MTAP: variants seen among roughly 807,000 people sequenced by gnomAD.
MTAP encodes methylthioadenosine phosphorylase, also known as S-methyl-5'-thioadenosine phosphorylase.
A neutral mutation model predicts 33.6 loss-of-function variants in MTAP; 33 were observed. That is an observed-to-expected ratio of 0.98 (90% CI 0.74 to 1.31). The LOEUF (loss-of-function observed/expected upper bound fraction) is 1.31, where lower values mean the gene tolerates loss of function less well. Among genes scored for constraint, MTAP ranks in the 40% most tolerant of loss-of-function variants. The probability of loss-of-function intolerance (pLI) is 0.00; values close to 1 mark genes in which losing one functional copy is unlikely to be tolerated. For synonymous variants in MTAP, 148 were observed against 125.7 expected (o/e 1.18, Z -1.19); for missense variants, 367 against 360.0 (o/e 1.02, Z -0.16).
At chr9:21,879,940 C>A in intron 1 of MTAP, among the ~76,000 whole-genome samples, 1 of 152,106 alleles carries the variant, frequency 6.6e-6, no homozygotes, top group Non-Finnish European at 1.5e-5. Flanking sequence ...AGGCGGCCTG[C>A]CCTTTCTCTC....
rs1442234626 is a variant in MTAP, at chr9:21,854,630, G to C, written c.451-1G>C. Reference sequence around the variant, plus strand: ...TGAAGTTTCTGGTTTTTCTTTTCTAGGTTCTTATAGAGACTGCTAAGAAGC... The same window carrying C: ...TGAAGTTTCTGGTTTTTCTTTTCTACGTTCTTATAGAGACTGCTAAGAAGC... On this transcript the variant is annotated splice_acceptor_variant, in intron 5 of 7. Coordinates refer to ENST00000644715, the MANE Select transcript of MTAP (RefSeq NM_002451.4). LOFTEE classifies it high-confidence loss of function. 5 of 1,538,862 alleles carry C rather than the reference G, an allele frequency of 3.2e-6. No individual in the cohort carries two copies.
intron 1 of MTAP, among the ~76,000 whole-genome samples, chr9:21,907,285 G>T (rs1233187707): frequency 1.3e-5 from 2 of 152,216 alleles, no homozygotes; most frequent in African/African-American, 2.4e-5. Flanking sequence ...GATGGCTTTT[G>T]CCTATAACCC....
At chr9:21,935,494 A>G (rs1819027953), downstream of MTAP, 1 of 151,850 alleles carries the variant, frequency 6.6e-6, no homozygotes, top group Non-Finnish European at 1.5e-5. Context: ...TTTTTTTTTA[A>G]CCATAAATTC....
chr9:21,914,469 A>C (rs1163659786), intron 1 of MTAP, among the ~76,000 whole-genome samples: 1 of 152,160 alleles, frequency 6.6e-6, no homozygotes, highest in African/African-American at 2.4e-5. Flanking sequence ...GGATGAGTTC[A>C]TGTCCTTTGT....
At position 21,922,807 on chromosome 9, in the gene MTAP, G is replaced by A. The variant is rs1818809281; in HGVS notation, c.148-8201G>A. ...AGCTTACCCTGACCGGTGGCTTACA[G>A]GGGTAGGAAGGACCTTGGAGTCCAC... On this transcript the variant is annotated intron_variant, in intron 1 of 1. Coordinates refer to the MTAP transcript ENST00000577563. This position sits in a 1 kb window ranked among gnomAD's most constrained non-coding sequence, Gnocchi z 4.8. Among the ~76,000 whole-genome samples, 1 of 152,186 alleles carries A rather than the reference G, an allele frequency of 6.6e-6. No individual in the cohort carries two copies. The highest frequency in any genetic ancestry group is 1.5e-5 in the Non-Finnish European group (1 of 68,034).
Position 21,854,965 on chromosome 9 carries a change from A to C in MTAP, c.690+95A>C, listed in dbSNP as rs1825602978. 5 of 1,494,160 alleles carry C rather than the reference A, an allele frequency of 3.3e-6. No individual in the cohort carries two copies. The Admixed American group carries it at 1.1e-4, about 32-fold the overall frequency. 92.6% of individuals were successfully genotyped at this position (1,494,160 alleles called of 1,614,324 possible). ...TGTTTCTATTACGTTAGTTTCAGAA[A>C]GTGCCTTTCTACAAGGTTTTGAAGT... is the stretch of plus-strand genomic sequence containing the variant. On this transcript the variant is annotated intron_variant, in intron 6 of 7. Transcript: ENST00000644715.
At chr9:21,893,708 G>C (rs1452089540) in intron 1 of MTAP, 1 of 151,980 alleles carries the variant, frequency 6.6e-6, no homozygotes, top group Admixed American at 6.6e-5. Context: ...GGAAAAAATT[G>C]AAACCCTGAA....
chr9:21,815,359 T>C, intron 1 of MTAP, 74 bp from the exon 2 acceptor site: 1 of 1,076,894 alleles, frequency 9.3e-7, no homozygotes, highest in Non-Finnish European at 1.4e-6. Context: ...TATGAATAAA[T>C]GAATTTGCTT....
intron 5 of MTAP, among the ~76,000 whole-genome samples, chr9:21,852,968 A>G (rs1266381569): frequency 1.3e-5 from 2 of 152,190 alleles, no homozygotes; most frequent in Non-Finnish European, 2.9e-5. Context: ...ACACGAGGTA[A>G]GAAAATGAAA....
rs1176058865 is a variant in MTAP, at chr9:21,802,656, C to T, written c.-93C>T. On this transcript the variant is annotated 5_prime_UTR_variant, in exon 1 of 8. Transcript: ENST00000644715. ...CTGGTCTCCGCACTGCTCACTCCCGCGCAGTGAGGTTGGCACAGCCACCGC... is the reference window on the plus strand; with the variant it reads ...CTGGTCTCCGCACTGCTCACTCCCGTGCAGTGAGGTTGGCACAGCCACCGC... The T allele has an allele frequency of 2.1e-6, 3 of 1,419,378 alleles. No homozygotes were observed. Among genetic ancestry groups the T allele is most frequent in the South Asian group, 1.2e-5 (1 of 84,330 alleles). 87.9% of individuals were successfully genotyped at this position (1,419,378 alleles called of 1,614,324 possible). A position where few individuals can be genotyped will look rare whatever the true frequency, so the allele number is the denominator to read the frequency against.
intron 1 of MTAP, among the ~76,000 whole-genome samples, chr9:21,880,625 T>C (rs1034879508): frequency 2.0e-5 from 3 of 151,778 alleles, no homozygotes; most frequent in Admixed American, 2.0e-4. Flanking sequence ...CAATCCAAAA[T>C]CAAATTATAA....
intron 1 of MTAP, chr9:21,930,088 T>C (rs1818932625): frequency 2.1e-6 from 1 of 467,642 alleles, no homozygotes. Context: ...AGCCTGATGA[T>C]TATAACCAAT....
At chr9:21,819,643 T>C (rs1824579288) in intron 4 of MTAP, among the ~76,000 whole-genome samples, 2 of 152,234 alleles carry the variant, frequency 1.3e-5, no homozygotes, top group African/African-American at 4.8e-5. Context: ...TATAATCCTT[T>C]GGGTATATAC....
chr9:21,855,101 G>C (rs1825608305), intron 6 of MTAP, among the ~76,000 whole-genome samples: 1 of 152,216 alleles, frequency 6.6e-6, no homozygotes, highest in African/African-American at 2.4e-5. Flanking sequence ...TAGGCAGGTA[G>C]ATGTGTTGAG....
In MTAP at chr9:21,915,268, T is replaced by A. The variant is rs187510689; in HGVS notation, c.148-15740T>A. 4.6e-5 allele frequency among the ~76,000 whole-genome samples: 7 copies of A among 151,690 alleles called. No individual in the cohort carries two copies. The East Asian group carries it at 1.2e-3, about 25-fold the overall frequency. On this transcript the variant is annotated intron_variant, in intron 1 of 1. Coordinates refer to the MTAP transcript ENST00000577563. ...CACGCCCGGCTAATTTTTTTTTGTA[T>A]TTTTAGTAGAGATGGGGTTTCACCA...
In MTAP at chr9:21,858,493, C is replaced by T. The variant is rs79885275; in HGVS notation, c.691-810C>T. 6.3e-4 allele frequency among the ~76,000 whole-genome samples: 96 copies of T among 152,234 alleles called. 1 individual carries two copies. In the East Asian group the frequency reaches 0.017, roughly 27 times the overall value. ...CAATCATGTTGGAAGGCAAAAGGAG[C>T]GAGGCATCTCACATGGTGGGAGCAG... On this transcript the variant is annotated intron_variant, in intron 6 of 7. Transcript: ENST00000644715.
At chr9:21,823,807 A>G (rs1310760680) in intron 4 of MTAP, among the ~76,000 whole-genome samples, 1 of 152,072 alleles carries the variant, frequency 6.6e-6, no homozygotes, top group Non-Finnish European at 1.5e-5. Flanking sequence ...GGCTTCGTTC[A>G]TTTCTTTTTA....
chr9:21,824,952 G>A (rs898161708), intron 4 of MTAP, among the ~76,000 whole-genome samples: 2 of 152,132 alleles, frequency 1.3e-5, no homozygotes, highest in Non-Finnish European at 2.9e-5. Context: ...AGTTGGAAAA[G>A]CACAGTATTA....
chr9:21,915,000 TTTCCTTCCTTCCTTCCTTCCTTCCTTCC>T (rs367599453), intron 1 of MTAP, among the ~76,000 whole-genome samples: 15 of 83,770 alleles, frequency 1.8e-4, no homozygotes, highest in Middle Eastern at 5.4e-3. Flanking sequence ...CTTTGTTTTC[TTTCCTTCCTTCCTTCCTTCCTTCCTTCC>T]TTCCTTCCTT....
Sources: allele counts gnomAD v4.1 joint callset (sites outside exome capture counted in the v4.1 genomes callset), GRCh38; gene constraint gnomAD v4.1.1; non-coding constraint Gnocchi (gnomAD v3.1); transcripts MANE v1.5; gene names NCBI Gene and HGNC (gene_info 2026-07-23, HGNC 2026-07-21).